The following RIMKLA variants were observed in gnomAD, a reference collection of about 807,000 sequenced individuals.
RIMKLA encodes the protein N-acetylaspartylglutamate synthase A.
A neutral mutation model predicts 32.7 loss-of-function variants in RIMKLA; 14 were observed. That is an observed-to-expected ratio of 0.43 (90% CI 0.28 to 0.67). RIMKLA has a LOEUF of 0.67. RIMKLA is among the 30% of genes least tolerant of loss of function. The pLI, the probability that RIMKLA is intolerant of heterozygous loss-of-function variation, is 0.18. For synonymous variants in RIMKLA, 176 were observed against 204.1 expected, an observed-to-expected ratio of 0.86 and a Z score of 1.18; for missense variants, 410 against 519.0, an observed-to-expected ratio of 0.79 and a Z score of 2.04.
intron 3 of RIMKLA, among the ~76,000 whole-genome samples, chr1:42,405,581 G>A (rs543130775): frequency 1.3e-5 from 2 of 152,284 alleles, no homozygotes; most frequent in African/African-American, 4.8e-5. Flanking sequence ...CTACTATGGT[G>A]TAGGGACTAT....
At chr1:42,389,942 A>G (rs1191368053) in intron 1 of RIMKLA, among the ~76,000 whole-genome samples, 1 of 152,090 alleles carries the variant, frequency 6.6e-6, no homozygotes, top group African/African-American at 2.4e-5. Flanking sequence ...GAATATAAAC[A>G]GTCTAAGAGT....
At chr1:42,413,501 CAAAAAAAAAAA>C (rs201462707) in intron 4 of RIMKLA, among the ~76,000 whole-genome samples, 60 of 125,570 alleles carry the variant, frequency 4.8e-4, no homozygotes, top group East Asian at 9.0e-4. Flanking sequence ...AAGAGTCTCT[CAAAAAAAAAAA>C]AAAAAAAAAA....
intron 1 of RIMKLA, among the ~76,000 whole-genome samples, chr1:42,384,413 C>G (rs747016151): frequency 2.6e-4 from 40 of 151,330 alleles, no homozygotes; most frequent in Non-Finnish European, 4.9e-4. Context: ...ATTCTCAACC[C>G]TAGGGATAAA....
chr1:42,386,201 G>C (rs1642945664), intron 1 of RIMKLA, among the ~76,000 whole-genome samples: 1 of 151,950 alleles, frequency 6.6e-6, no homozygotes, highest in Non-Finnish European at 1.5e-5. Context: ...GGTATTACGG[G>C]CGTGAGCCAC....
chr1:42,392,940 C>T (rs1160149235), intron 1 of RIMKLA, among the ~76,000 whole-genome samples: 7 of 152,106 alleles, frequency 4.6e-5, no homozygotes, highest in Admixed American at 2.0e-4. Context: ...TGCAGTGAGC[C>T]GAGATCGCGC....
intron 1 of RIMKLA, among the ~76,000 whole-genome samples, chr1:42,387,471 C>A (rs1407865392): frequency 6.6e-6 from 1 of 152,120 alleles, no homozygotes. Context: ...GAGGAACTAA[C>A]AGGAATACTG....
chr1:42,412,613 A>T (rs1247119654), intron 4 of RIMKLA: 2 of 510,458 alleles, frequency 3.9e-6, no homozygotes, highest in Admixed American at 2.0e-5. Context: ...TGAGGTTCAC[A>T]ACAATTTTCC....
intron 1 of RIMKLA, among the ~76,000 whole-genome samples, chr1:42,394,340 G>T (rs1304485452): frequency 6.6e-6 from 1 of 152,214 alleles, no homozygotes; most frequent in Non-Finnish European, 1.5e-5. Flanking sequence ...ATGCACATGT[G>T]TGCACACATA....
In RIMKLA at chr1:42,380,841, C is replaced by T. The variant is rs1642879735; in HGVS notation, c.-94C>T. 2 of 797,656 alleles carry T rather than the reference C, an allele frequency of 2.5e-6. No individual in the cohort carries two copies. The highest frequency in any genetic ancestry group is 3.2e-6 in the Non-Finnish European group (2 of 630,426). 49.4% of individuals were successfully genotyped at this position (797,656 alleles called of 1,614,324 possible). ...GGAGCGGAGCCGTGGCGCGCTCGCC[C>T]CGGACGCCGGCCGCCCCTCCGCTCG... On this transcript the variant is annotated 5_prime_UTR_variant, in exon 1 of 5. Coordinates refer to ENST00000431473, the MANE Select transcript of RIMKLA (RefSeq NM_173642.4).
chr1:42,390,442 T>A (rs1642990811), intron 1 of RIMKLA, among the ~76,000 whole-genome samples: 1 of 152,122 alleles, frequency 6.6e-6, no homozygotes, highest in Non-Finnish European at 1.5e-5. Context: ...GACAGGCAAA[T>A]GGCAGGAGCA....
intron 2 of RIMKLA, among the ~76,000 whole-genome samples, chr1:42,402,123 C>A (rs1165436366): frequency 6.6e-6 from 1 of 152,248 alleles, no homozygotes; most frequent in Non-Finnish European, 1.5e-5. Context: ...TTTTAAAAAT[C>A]ATTAGCACTC....
chr1:42,414,920 C>A lies in RIMKLA; in HGVS notation c.1122C>A (p.Pro374=), dbSNP rs138004489. The A allele has an allele frequency of 1.2e-3, 1,877 of 1,613,940 alleles. 4 individuals carry two copies. Among genetic ancestry groups the A allele is most frequent in the Non-Finnish European group, 1.4e-3 (1,705 of 1,179,928 alleles). Residue 374 remains proline, a synonymous_variant, in exon 5 of 5, where the codon CCC becomes CCA. Transcript: ENST00000431473. ...TGGGGGCCCCACCCTCCATGCTGCC[C>A]GAACCTGGCTACAACATTAACAACA... ...STMGAPPSML[P]EPGYNINNRI...
chr1:42,407,671 T>C (rs890628220), intron 3 of RIMKLA, among the ~76,000 whole-genome samples: 2 of 152,232 alleles, frequency 1.3e-5, no homozygotes, highest in African/African-American at 4.8e-5. Flanking sequence ...TCAATTTTAT[T>C]CTTTTGATAT....
Position 42,415,224 on chromosome 1 carries a change from T to C in RIMKLA, c.*250T>C. On this transcript the variant is annotated 3_prime_UTR_variant, in exon 5 of 5. Transcript: ENST00000431473. The stretch of plus-strand genomic sequence containing the variant: ...GAGACTGATGTCTGCTGTGAGCACG[T>C]GGATATTACGGCTGACGCTAAGGCA... 1 of 423,220 alleles carries C rather than the reference T, an allele frequency of 2.4e-6. No homozygotes were observed. The highest frequency in any genetic ancestry group is 4.2e-6 in the Non-Finnish European group (1 of 237,882). 26.2% of individuals were successfully genotyped at this position (423,220 alleles called of 1,614,324 possible).
intron 1 of RIMKLA, 36 bp from the exon 2 acceptor site, chr1:42,399,368 G>C: frequency 7.0e-7 from 1 of 1,427,884 alleles, no homozygotes; most frequent in Non-Finnish European, 9.7e-7. Context: ...CTAAACGATA[G>C]CAGGCACAGC....
rs549535306 is a variant in RIMKLA at position 42,384,338 on chromosome 1, AC to A, written c.163+3244del. Among the ~76,000 whole-genome samples, 13 of 152,058 alleles carry A rather than the reference AC, an allele frequency of 8.5e-5. No homozygotes were observed. In the South Asian group the frequency reaches 2.5e-3, roughly 29 times the overall value. On this transcript the variant is annotated intron_variant, in intron 1 of 4. Coordinates refer to ENST00000431473, the MANE Select transcript of RIMKLA (RefSeq NM_173642.4). Reference sequence around the variant, plus strand: ...GGGTGTAGCATTATGTGAAAATCATACCCATCTCCGTTTCCTTTTTAGAAAC... The same window carrying A: ...GGGTGTAGCATTATGTGAAAATCATACCATCTCCGTTTCCTTTTTAGAAAC...
chr1:42,384,549 ATG>A (rs754268347), intron 1 of RIMKLA, among the ~76,000 whole-genome samples: 11 of 145,196 alleles, frequency 7.6e-5, no homozygotes, highest in South Asian at 2.1e-4. Flanking sequence ...ATGTATATAT[ATG>A]TGTGTATATA....
At chr1:42,399,984 A>G (rs1643082813) in intron 2 of RIMKLA, among the ~76,000 whole-genome samples, 1 of 152,234 alleles carries the variant, frequency 6.6e-6, no homozygotes, top group Non-Finnish European at 1.5e-5. Context: ...TATGAAAAGA[A>G]TAAGTGCAGA....
Position 42,417,951 on chromosome 1 carries a change from A to AG in RIMKLA, c.*2977_*2978insG, listed in dbSNP as rs1340940171. On this transcript the variant is annotated 3_prime_UTR_variant, in exon 5 of 5. Transcript: ENST00000431473. Reference sequence around the variant, plus strand: ...ACTCCGTCTCAAAAAAAAAAAAAAAAAGCCACACATTCTTGGCATTAGCAC... The same window carrying AG: ...ACTCCGTCTCAAAAAAAAAAAAAAAAGAGCCACACATTCTTGGCATTAGCAC... 6.6e-6 allele frequency: 1 copy of AG among 152,090 alleles called. No individual in the cohort carries two copies. Among genetic ancestry groups the AG allele is most frequent in the East Asian group, 1.9e-4 (1 of 5,172 alleles). 9.4% of individuals were successfully genotyped at this position (152,090 alleles called of 1,614,324 possible).
Sources: gnomAD v4.1 joint callset for allele counts (sites outside exome capture counted in the v4.1 genomes callset) on GRCh38, gnomAD v4.1.1 for gene constraint, MANE v1.5 for transcripts, NCBI Gene and HGNC (gene_info 2026-07-23, HGNC 2026-07-21) for gene names.